The following RAP1GDS1 variants were observed in gnomAD, a reference collection of about 807,000 sequenced individuals.
The protein encoded by RAP1GDS1 is Rap1 GTPase-GDP dissociation stimulator 1, also known as RAP1, GTP-GDP dissociation stimulator 1.
Under a neutral mutation model 71.1 loss-of-function variants are expected in RAP1GDS1, and 35 were observed. That is an observed-to-expected ratio of 0.49 (90% CI 0.38 to 0.65). The LOEUF (loss-of-function observed/expected upper bound fraction) is 0.65, where lower values mean the gene tolerates loss of function less well. RAP1GDS1 is among the 30% of genes least tolerant of loss of function. The probability of loss-of-function intolerance (pLI) is 0.00; values close to 1 mark genes in which losing one functional copy is unlikely to be tolerated. For synonymous variants in RAP1GDS1, 229 were observed against 243.1 expected (o/e 0.94, Z 0.54); for missense variants, 663 against 706.1 (o/e 0.94, Z 0.69).
intron 2 of RAP1GDS1, among the ~76,000 whole-genome samples, chr4:98,294,897 A>G (rs1303724393): frequency 6.6e-6 from 1 of 152,000 alleles, no homozygotes; most frequent in African/African-American, 2.4e-5. Context: ...TCTCAGGTAT[A>G]TTTTTTTGAA....
At chr4:98,367,297 G>A (rs1177544860) in intron 4 of RAP1GDS1, among the ~76,000 whole-genome samples, 1 of 152,216 alleles carries the variant, frequency 6.6e-6, no homozygotes, top group African/African-American at 2.4e-5. Context: ...CAAGAATTGA[G>A]TTTGGGAACC....
chr4:98,405,370 A>T (rs1745968589), intron 7 of RAP1GDS1, among the ~76,000 whole-genome samples: 1 of 152,192 alleles, frequency 6.6e-6, no homozygotes, highest in Non-Finnish European at 1.5e-5. Context: ...ATACTGTTGA[A>T]TTAAAGAACC....
intron 7 of RAP1GDS1, among the ~76,000 whole-genome samples, chr4:98,410,059 A>G (rs1047215598): frequency 2.6e-5 from 4 of 152,208 alleles, no homozygotes; most frequent in Non-Finnish European, 5.9e-5. Context: ...ACTTGAGACC[A>G]GGAGTTCGAG....
At chr4:98,316,836 A>C (rs2110331673) in intron 2 of RAP1GDS1, among the ~76,000 whole-genome samples, 1 of 152,244 alleles carries the variant, frequency 6.6e-6, no homozygotes, top group African/African-American at 2.4e-5. Context: ...GAAAGATAGG[A>C]GCTAGAGTTT....
intron 2 of RAP1GDS1, among the ~76,000 whole-genome samples, chr4:98,314,227 A>G (rs1263541139): frequency 1.3e-5 from 2 of 152,204 alleles, no homozygotes; most frequent in East Asian, 1.9e-4. Flanking sequence ...ACATTTTTGC[A>G]TACATTTGCT....
chr4:98,343,185 G>C lies in RAP1GDS1; in HGVS notation c.159G>C (p.Leu53=). The change falls in exon 3 of 15, where the codon CTG becomes CTC. Residue 53 remains leucine (L), a synonymous_variant. Coordinates refer to ENST00000408927, the MANE Select transcript of RAP1GDS1 (RefSeq NM_001100427.2). ...TCCAAGCAAGTGGAATACTTCAGCTGTTTGCAAGTCTGTTGACTCCACAGT... is the reference window on the plus strand; with the variant it reads ...TCCAAGCAAGTGGAATACTTCAGCTCTTTGCAAGTCTGTTGACTCCACAGT... ...EKIQASGILQ[L]FASLLTPQSS... is the part of the protein sequence containing the mutation. 6.2e-7 allele frequency: 1 copy of C among 1,607,678 alleles called. No homozygotes were observed. The highest frequency in any genetic ancestry group is 8.5e-7 in the Non-Finnish European group (1 of 1,174,352).
chr4:98,391,220 C>G (rs1272523617), intron 5 of RAP1GDS1, among the ~76,000 whole-genome samples: 1 of 152,070 alleles, frequency 6.6e-6, no homozygotes, highest in Non-Finnish European at 1.5e-5. Flanking sequence ...TTTAGTACTT[C>G]AAAATCAATT....
At chr4:98,333,069 CTCTT>C (rs1228562388) in intron 2 of RAP1GDS1, among the ~76,000 whole-genome samples, 1 of 152,032 alleles carries the variant, frequency 6.6e-6, no homozygotes, top group Non-Finnish European at 1.5e-5. Flanking sequence ...CAAAATTATT[CTCTT>C]TTTCTTTTTA....
chr4:98,428,977 G>A (rs909762860), intron 12 of RAP1GDS1, among the ~76,000 whole-genome samples: 1 of 152,152 alleles, frequency 6.6e-6, no homozygotes, highest in Non-Finnish European at 1.5e-5. Context: ...GAAACTATGG[G>A]GCCAGGCATG....
At chr4:98,331,801 G>A (rs1040828587) in intron 2 of RAP1GDS1, among the ~76,000 whole-genome samples, 1 of 152,146 alleles carries the variant, frequency 6.6e-6, no homozygotes, top group Non-Finnish European at 1.5e-5. Flanking sequence ...AGAATTTTGA[G>A]CTTGGGAAAG....
chr4:98,423,706 G>A (rs568356467), intron 12 of RAP1GDS1, among the ~76,000 whole-genome samples: 4 of 152,030 alleles, frequency 2.6e-5, no homozygotes, highest in East Asian at 1.9e-4. Flanking sequence ...CACCATGCCC[G>A]GCTAATTTTG....
chr4:98,336,091 T>C (rs898024349), intron 2 of RAP1GDS1, among the ~76,000 whole-genome samples: 2 of 152,140 alleles, frequency 1.3e-5, no homozygotes, highest in Admixed American at 1.3e-4. Context: ...TGGAGATAGA[T>C]CTTTTGCTGA....
chr4:98,337,397 A>G (rs77128133), intron 2 of RAP1GDS1, among the ~76,000 whole-genome samples: 10,165 of 152,308 alleles, frequency 0.067, 391 homozygotes, highest in Admixed American at 0.14. Context: ...AAATATAGTC[A>G]TCAACATATA....
intron 12 of RAP1GDS1, among the ~76,000 whole-genome samples, chr4:98,426,866 C>G (rs981107136): frequency 6.6e-6 from 1 of 152,124 alleles, no homozygotes; most frequent in Non-Finnish European, 1.5e-5. Context: ...CCAAATCATT[C>G]TGTGAAGCCA....
chr4:98,391,957 C>A lies in RAP1GDS1; in HGVS notation c.514C>A (p.Leu172Ile). ...LMNYSNENDS[L>I]QAQLINMGVI... ...TTTTTTTTTTGTTTTTACAGATTCGCTTCAAGCTCAGCTTATCAATATGGG... is the reference window on the plus strand; with the variant it reads ...TTTTTTTTTTGTTTTTACAGATTCGATTCAAGCTCAGCTTATCAATATGGG... The change falls in exon 6 of 15, where the codon CTT becomes ATT. Residue 172 changes from leucine (L) to isoleucine (I), a missense_variant. By Grantham distance (5) the Leu-to-Ile change is conservative. Coordinates refer to ENST00000408927, the MANE Select transcript of RAP1GDS1 (RefSeq NM_001100427.2). The A allele has an allele frequency of 6.3e-7, 1 of 1,590,300 alleles. No individual in the cohort carries two copies. Among genetic ancestry groups the A allele is most frequent in the Non-Finnish European group, 8.5e-7 (1 of 1,171,460 alleles).
chr4:98,438,688 G>A (rs1322565997), intron 14 of RAP1GDS1, among the ~76,000 whole-genome samples: 2 of 148,984 alleles, frequency 1.3e-5, no homozygotes, highest in African/African-American at 5.0e-5. Context: ...TTCCTCCAGG[G>A]TTCAAGTGAT....
Position 98,293,443 on chromosome 4 carries a change from A to C in RAP1GDS1, c.40A>C (p.Thr14Pro), listed in dbSNP as rs1727257489. The C allele has an allele frequency of 1.9e-6, 3 of 1,607,608 alleles. No individual in the cohort carries two copies. The highest frequency in any genetic ancestry group is 2.5e-6 in the Non-Finnish European group (3 of 1,177,876). The stretch of plus-strand genomic sequence containing the variant: ...TGATACCTTGAAGAAGCTGAAGATA[A>C]CAGCTGTTGACAAGACTGAGGATAG... ...LSDTLKKLKI[T>P]AVDKTEDSLE... The change falls in exon 2 of 15, where the codon ACA (threonine) becomes CCA (proline). Residue 14 changes from threonine to proline, a missense_variant. Coordinates refer to ENST00000408927, the MANE Select transcript of RAP1GDS1 (RefSeq NM_001100427.2).
At position 98,311,973 on chromosome 4, in the gene RAP1GDS1, G is replaced by A. The variant is rs571175846; in HGVS notation, c.112+18458G>A. On this transcript the variant is annotated intron_variant, in intron 2 of 14. Transcript: ENST00000408927. ...TGTTCTTAAAAACAATTAGGCAGGG[G>A]ACAATGAAATTGGAATGAGGAGTAA... Among the ~76,000 whole-genome samples, 15 of 152,194 alleles carry A rather than the reference G, an allele frequency of 9.9e-5. 1 individual carries two copies. The South Asian group carries it at 3.1e-3, about 32-fold the overall frequency.
At chr4:98,417,257 G>GT (rs1445314041) in intron 8 of RAP1GDS1, 110 bp from the exon 9 acceptor site, 16 of 1,055,510 alleles carry the variant, frequency 1.5e-5, no homozygotes, top group Non-Finnish European at 2.1e-5. Flanking sequence ...CATTATGAAT[G>GT]TAACAGTTTG....
Sources: allele counts gnomAD v4.1 joint callset (sites outside exome capture counted in the v4.1 genomes callset), GRCh38; gene constraint gnomAD v4.1.1; transcripts MANE v1.5; gene names NCBI Gene and HGNC (gene_info 2026-07-23, HGNC 2026-07-21).